The following HDGF variants were observed in gnomAD, a reference collection of about 807,000 sequenced individuals.
HDGF encodes heparin binding growth factor, also known as hepatoma-derived growth factor.
Under a neutral mutation model 30.0 loss-of-function variants are expected in HDGF, and 5 were observed. That is an observed-to-expected ratio of 0.17 (90% CI 0.09 to 0.35). HDGF has a LOEUF of 0.35. HDGF is among the 10% of genes least tolerant of loss of function. The pLI is 1.00. For missense variants in HDGF, 214 were observed against 302.8 expected, an observed-to-expected ratio of 0.71 and a Z score of 2.18; for synonymous variants, 133 against 112.7, an observed-to-expected ratio of 1.18 and a Z score of -1.14.
chr1:156,758,939 GGAGA>G (rs1254896712), intron 2 of HDGF: 1 of 152,474 alleles, frequency 6.6e-6, no homozygotes, highest in East Asian at 1.9e-4. Flanking sequence ...TGCTAAGCCA[GGAGA>G]GAGAGGACAG....
At chr1:156,757,381 G>A (rs977476461), upstream of HDGF, among the ~76,000 whole-genome samples, 2 of 152,126 alleles carry the variant, frequency 1.3e-5, no homozygotes, top group South Asian at 2.1e-4. Context: ...CAGGAGAATC[G>A]CTTGAACCCG....
intron 2 of HDGF, chr1:156,758,848 G>C (rs1029868604): frequency 1.3e-5 from 2 of 152,288 alleles, no homozygotes; most frequent in Non-Finnish European, 2.9e-5. Flanking sequence ...AAAAGGATTT[G>C]TCCAGGAGAA....
upstream of HDGF, chr1:156,752,423 A>G (rs1651039267): frequency 6.9e-6 from 10 of 1,459,668 alleles, no homozygotes; most frequent in Admixed American, 5.9e-5. Flanking sequence ...ACGGCTAGCT[A>G]ACCCCGCAAA....
Position 156,751,303 on chromosome 1 carries a change from G to A in HDGF, c.87+40C>T. ...CCCTTCCCGGTGTTATGCAACCCAA[G>A]CCCGCAGGGGGTTAGGGGGCGGCGG... On this transcript the variant is annotated intron_variant, in intron 1 of 5. Transcript: ENST00000357325. This position sits in a 1 kb window ranked among gnomAD's most constrained non-coding sequence, Gnocchi z 4.7. 6.3e-7 allele frequency: 1 copy of A among 1,594,576 alleles called. No individual in the cohort carries two copies. Among genetic ancestry groups the A allele is most frequent in the Non-Finnish European group, 8.5e-7 (1 of 1,169,654 alleles).
chr1:156,765,274 G>C (rs1477947429), intron 1 of HDGF, among the ~76,000 whole-genome samples: 1 of 149,782 alleles, frequency 6.7e-6, no homozygotes, highest in Non-Finnish European at 1.5e-5. Context: ...TATATTTTTA[G>C]TAGAGACGGG....
chr1:156,750,369 C>T (rs1329717387), intron 1 of HDGF, among the ~76,000 whole-genome samples: 2 of 152,164 alleles, frequency 1.3e-5, no homozygotes, highest in East Asian at 3.9e-4. Flanking sequence ...AACTGGCAAC[C>T]TCCCATCCTC....
In HDGF at chr1:156,751,494, G is replaced by T; in HGVS notation, c.-65C>A. The T allele has an allele frequency of 8.2e-7, 1 of 1,226,226 alleles. No homozygotes were observed. The highest frequency in any genetic ancestry group is 1.0e-6 in the Non-Finnish European group (1 of 972,902). The allele number at this position is 1,226,226 out of a possible 1,614,324, so 76.0% of individuals were successfully genotyped here. On this transcript the variant is annotated 5_prime_UTR_variant, in exon 1 of 6. Transcript: ENST00000357325. The surrounding 1 kb of genome is among the most constrained non-coding windows in gnomAD (Gnocchi z 4.7). ...GAAGCGCGAGCCCAAGTTTGCGCGT[G>T]CGGCGGTGGCGGCGCCGCTCCGCTC...
In HDGF at chr1:156,745,197, T is replaced by C. The variant is rs758183607; in HGVS notation, c.165-51A>G. ...CTCAAGCCCCTCACTGCCCCTGAGC[T>C]GCACAGCCCGGCATGAAAGGGGCAC... is the stretch of plus-strand genomic sequence containing the variant. On this transcript the variant is annotated intron_variant, in intron 2 of 5. Coordinates refer to ENST00000357325, the MANE Select transcript of HDGF (RefSeq NM_004494.3). 17 of 1,612,498 alleles carry C rather than the reference T, an allele frequency of 1.1e-5. No individual in the cohort carries two copies. The East Asian group carries it at 3.1e-4, about 30-fold the overall frequency.
chr1:156,743,472 G>GA lies in HDGF; in HGVS notation c.717-18dup. 6.5e-7 allele frequency: 1 copy of GA among 1,529,626 alleles called. No individual in the cohort carries two copies. Among genetic ancestry groups the GA allele is most frequent in the Non-Finnish European group, 8.8e-7 (1 of 1,139,394 alleles). The allele number at this position is 1,529,626 out of a possible 1,614,324, so 94.8% of individuals were successfully genotyped here. On this transcript the variant is annotated splice_polypyrimidine_tract_variant and intron_variant, in intron 5 of 5. Transcript: ENST00000357325. ...GGCTACAGGCTGTGAGGGAGGGTTG[G>GA]AGGGGAGAAGGGTTAATGGTGTGGC...
intron 1 of HDGF, among the ~76,000 whole-genome samples, chr1:156,749,232 C>T (rs1313091488): frequency 2.6e-5 from 4 of 152,238 alleles, no homozygotes; most frequent in South Asian, 2.1e-4. Flanking sequence ...AATCCACACA[C>T]GGGCCTTCTT....
At chr1:156,752,803 C>CG (rs1255257138), upstream of HDGF, among the ~76,000 whole-genome samples, 9 of 152,162 alleles carry the variant, frequency 5.9e-5, no homozygotes, top group Non-Finnish European at 1.3e-4. Flanking sequence ...TCTTATGTTA[C>CG]GGCATATACA....
intron 1 of HDGF, among the ~76,000 whole-genome samples, chr1:156,750,124 G>A (rs1650861634): frequency 2.0e-5 from 3 of 152,292 alleles, no homozygotes; most frequent in East Asian, 1.9e-4. Context: ...TGAGTTTTCT[G>A]AGTGGCCCCA....
chr1:156,746,474 A>G (rs977613829), intron 1 of HDGF, among the ~76,000 whole-genome samples: 5 of 152,248 alleles, frequency 3.3e-5, no homozygotes, highest in African/African-American at 1.2e-4. Flanking sequence ...ACAGATGAGG[A>G]AACTGAGCCC....
chr1:156,752,489 G>A, upstream of HDGF: 1 of 843,556 alleles, frequency 1.2e-6, no homozygotes, highest in Non-Finnish European at 1.9e-6. Context: ...AACCCCTTCA[G>A]TAAACTGTGA....
Position 156,751,379 on chromosome 1 carries a change from G to A in HDGF, c.51C>T (p.Phe17=), listed in dbSNP as rs1650968041. The change falls in exon 1 of 6, where the codon TTC becomes TTT. Residue 17 remains phenylalanine (F), a synonymous_variant. Coordinates refer to ENST00000357325, the MANE Select transcript of HDGF (RefSeq NM_004494.3). The surrounding 1 kb of genome is among the most constrained non-coding windows in gnomAD (Gnocchi z 4.7). ...AGTGTGGGTAGCCCTTCATCTTGGC[G>A]AACACCAGGTCCCCGCATTTGTACT... ...QKEYKCGDLV[F]AKMKGYPHWP... The A allele has an allele frequency of 3.7e-6, 6 of 1,610,026 alleles. No individual in the cohort carries two copies. Among genetic ancestry groups the A allele is most frequent in the Non-Finnish European group, 5.1e-6 (6 of 1,178,130 alleles).
At chr1:156,764,456 CA>C (rs1188214690) in intron 1 of HDGF, among the ~76,000 whole-genome samples, 1 of 148,298 alleles carries the variant, frequency 6.7e-6, no homozygotes, top group Non-Finnish European at 1.5e-5. Flanking sequence ...CTCAGCCTCC[CA>C]AAGTGCTGGG....
chr1:156,747,933 C>T (rs1157192281), intron 1 of HDGF, among the ~76,000 whole-genome samples: 3 of 151,940 alleles, frequency 2.0e-5, no homozygotes, highest in Admixed American at 2.0e-4. Flanking sequence ...GGCAGGGGAC[C>T]CAGGAGGCCA....
chr1:156,766,447 ACAGG>A (rs112888890), intron 1 of HDGF, among the ~76,000 whole-genome samples: 2,046 of 152,312 alleles, frequency 0.013, 56 homozygotes, highest in African/African-American at 0.046. Flanking sequence ...GCACTCAGTC[ACAGG>A]CAGACAGGAA....
rs2102728956 is a variant in HDGF at position 156,751,294 on chromosome 1, G to A, written c.87+49C>T. On this transcript the variant is annotated intron_variant, in intron 1 of 5. Coordinates refer to ENST00000357325, the MANE Select transcript of HDGF (RefSeq NM_004494.3). This position sits in a 1 kb window ranked among gnomAD's most constrained non-coding sequence, Gnocchi z 4.7. ...GCGCTCGTGCCCTTCCCGGTGTTAT[G>A]CAACCCAAGCCCGCAGGGGGTTAGG... is the stretch of plus-strand genomic sequence containing the variant. 1.3e-6 allele frequency: 2 copies of A among 1,587,546 alleles called. No homozygotes were observed. Among genetic ancestry groups the A allele is most frequent in the South Asian group, 1.1e-5 (1 of 88,778 alleles).
Sources: gnomAD v4.1 joint callset for allele counts (sites outside exome capture counted in the v4.1 genomes callset) on GRCh38, gnomAD v4.1.1 for gene constraint, Gnocchi (gnomAD v3.1) non-coding constraint, MANE v1.5 for transcripts, NCBI Gene and HGNC (gene_info 2026-07-23, HGNC 2026-07-21) for gene names.